NEIL3: variants seen among roughly 807,000 people sequenced by gnomAD.
NEIL3 encodes nei like DNA glycosylase 3.
Under a neutral mutation model 57.5 loss-of-function variants are expected in NEIL3, and 48 were observed. The observed-to-expected ratio is 0.83, with a 90% CI of 0.66 to 1.06. NEIL3 has a LOEUF of 1.06. Ranked by LOEUF, NEIL3 falls within the 50% of genes least tolerant of loss-of-function variation. The probability of loss-of-function intolerance (pLI) is 0.00; values close to 1 mark genes in which losing one functional copy is unlikely to be tolerated. For missense variants in NEIL3, 717 were observed against 739.1 expected (o/e 0.97, Z 0.35); for synonymous variants, 261 against 253.2 (o/e 1.03, Z -0.29).
intron 9 of NEIL3, 65 bp from the exon 10 acceptor site, chr4:177,362,224 A>C (rs1735620423): frequency 7.7e-7 from 1 of 1,292,714 alleles, no homozygotes; most frequent in Non-Finnish European, 1.1e-6. Flanking sequence ...ACATGTGCCT[A>C]GGGTTAGCCT....
intron 8 of NEIL3, among the ~76,000 whole-genome samples, chr4:177,356,459 A>G (rs1375319919): frequency 1.3e-5 from 2 of 152,200 alleles, no homozygotes; most frequent in Non-Finnish European, 2.9e-5. Flanking sequence ...TTCACCCAGC[A>G]GCCCTTCTGC....
downstream of NEIL3, among the ~76,000 whole-genome samples, chr4:177,363,341 A>G (rs1314935376): frequency 6.6e-6 from 1 of 152,226 alleles, no homozygotes; most frequent in African/African-American, 2.4e-5. Context: ...ATGCAGAGCT[A>G]TAGAAGTTAA....
chr4:177,331,216 G>A (rs1020203933), intron 2 of NEIL3, among the ~76,000 whole-genome samples: 1 of 151,906 alleles, frequency 6.6e-6, no homozygotes, highest in African/African-American at 2.4e-5. Flanking sequence ...TAAGGAACAT[G>A]CTCTGTTTTA....
At chr4:177,320,466 C>CTT (rs34353849) in intron 1 of NEIL3, among the ~76,000 whole-genome samples, 3 of 77,444 alleles carry the variant, frequency 3.9e-5, no homozygotes, top group African/African-American at 1.1e-4. Flanking sequence ...TGACTGCTGT[C>CTT]TTTTTTTTTT....
chr4:177,346,704 T>C (rs1220831749), intron 6 of NEIL3, among the ~76,000 whole-genome samples: 1 of 152,158 alleles, frequency 6.6e-6, no homozygotes, highest in Non-Finnish European at 1.5e-5. Context: ...AGGTTATGTG[T>C]CAAACTATAG....
At chr4:177,332,349 A>G (rs1211351594) in intron 2 of NEIL3, among the ~76,000 whole-genome samples, 2 of 152,034 alleles carry the variant, frequency 1.3e-5, no homozygotes, top group Non-Finnish European at 2.9e-5. Context: ...TCAACAGGCC[A>G]GGGTACCTTT....
chr4:177,311,696 G>C (rs80253268), intron 1 of NEIL3, among the ~76,000 whole-genome samples: 1 of 137,716 alleles, frequency 7.3e-6, no homozygotes, highest in African/African-American at 2.8e-5. Context: ...AAAAAAAAAA[G>C]CTGAGGTGTG....
At chr4:177,339,179 A>G (rs952284786) in intron 4 of NEIL3, among the ~76,000 whole-genome samples, 2 of 152,240 alleles carry the variant, frequency 1.3e-5, no homozygotes, top group African/African-American at 4.8e-5. Context: ...GTAACTACTA[A>G]TAGCCTACTG....
intron 1 of NEIL3, among the ~76,000 whole-genome samples, chr4:177,319,004 G>A (rs1400436300): frequency 1.3e-5 from 2 of 152,142 alleles, no homozygotes; most frequent in African/African-American, 4.8e-5. Context: ...CAGATGTCAC[G>A]TGCCACTTTT....
rs34331047 is a variant in NEIL3 at position 177,322,437 on chromosome 4, G to A, written c.157-22G>A. 185 of 1,613,668 alleles carry A rather than the reference G, an allele frequency of 1.1e-4. 1 individual carries two copies. In the African/African-American group the frequency reaches 1.8e-3, roughly 16 times the overall value. On this transcript the variant is annotated intron_variant, in intron 1 of 9. Transcript: ENST00000264596. ...AGTTTGTGTGTGTGTGTGCTTATGTGTGTACATGTATTTTCCACTAGGCTG... is the reference window on the plus strand; with the variant it reads ...AGTTTGTGTGTGTGTGTGCTTATGTATGTACATGTATTTTCCACTAGGCTG...
At chr4:177,323,714 C>G (rs897288013) in intron 2 of NEIL3, among the ~76,000 whole-genome samples, 4 of 152,150 alleles carry the variant, frequency 2.6e-5, no homozygotes. Context: ...ACAATGGGAT[C>G]TATGCACGAT....
rs1560913797 is a variant in NEIL3, at chr4:177,336,335, A to T, written c.627+14A>T. 1 of 1,603,254 alleles carries T rather than the reference A, an allele frequency of 6.2e-7. No homozygotes were observed. The highest frequency in any genetic ancestry group is 1.1e-5 in the South Asian group (1 of 90,096). On this transcript the variant is annotated intron_variant, in intron 4 of 9. Coordinates refer to ENST00000264596, the MANE Select transcript of NEIL3 (RefSeq NM_018248.3). ...CCAGCTGTTAAAGTAAGTTTTAAGT[A>T]TTTTTTTAATTATCTGTTGATTTTT...
At position 177,353,543 on chromosome 4, in the gene NEIL3, T is replaced by C. The variant is rs1374656517; in HGVS notation, c.1275T>C (p.Cys425=). The C allele has an allele frequency of 3.1e-6, 5 of 1,612,972 alleles. No homozygotes were observed. The highest frequency in any genetic ancestry group is 2.2e-5 in the East Asian group (1 of 44,828). ...AAAACTCTCCTCCTGCTAGTGTTTGTTTGAATGATATACAGCACCCCTCCA... is the reference window on the plus strand; with the variant it reads ...AAAACTCTCCTCCTGCTAGTGTTTGCTTGAATGATATACAGCACCCCTCCA... ...EFQNSPPASV[C]LNDIQHPSKK... The change falls in exon 8 of 10, where the codon TGT becomes TGC. Residue 425 remains cysteine (C), a synonymous_variant. Transcript: ENST00000264596.
intron 2 of NEIL3, among the ~76,000 whole-genome samples, chr4:177,333,698 A>G (rs1734923508): frequency 6.6e-6 from 1 of 152,200 alleles, no homozygotes; most frequent in Admixed American, 6.5e-5. Flanking sequence ...GCTGGTGCTC[A>G]CATCGGGAAT....
At chr4:177,357,130 G>A (rs1382347723) in intron 8 of NEIL3, 1 of 152,192 alleles carries the variant, frequency 6.6e-6, no homozygotes, top group African/African-American at 2.4e-5. Context: ...CGTCCAGAAT[G>A]AGTCATTTCA....
rs532552576 is a variant in NEIL3 at position 177,330,553 on chromosome 4, A to G, written c.279-5135A>G. On this transcript the variant is annotated intron_variant, in intron 2 of 9. Transcript: ENST00000264596. ...GAGAAAAAAAATCAATGAAGCAAAT[A>G]ATTGGTCCTTTGAAAAGCATAATAA... is the stretch of plus-strand genomic sequence containing the variant. Among the ~76,000 whole-genome samples, 327 of 152,274 alleles carry G rather than the reference A, an allele frequency of 2.1e-3. 1 individual carries two copies. Among genetic ancestry groups the G allele is most frequent in the African/African-American group, 7.2e-3 (298 of 41,572 alleles).
At position 177,352,829 on chromosome 4, in the gene NEIL3, C is replaced by CA. The variant is rs770674004; in HGVS notation, c.1040-466dup. 2.5e-3 allele frequency among the ~76,000 whole-genome samples: 275 copies of CA among 109,390 alleles called. 4 individuals are homozygous for CA. The highest frequency in any genetic ancestry group is 1.7e-3 in the South Asian group (6 of 3,548). 71.8% of individuals were successfully genotyped at this position (109,390 alleles called of 152,430 possible). On this transcript the variant is annotated intron_variant, in intron 7 of 9. Transcript: ENST00000264596. ...TGGGCAACAGAACAAGACTCCGTTT[C>CA]AAAAAAAAAAAAAGAAGATGTTAAG...
Position 177,353,620 on chromosome 4 carries a change from C to T in NEIL3, c.1352C>T (p.Pro451Leu). 6.2e-7 allele frequency: 1 copy of T among 1,613,574 alleles called. No homozygotes were observed. The highest frequency in any genetic ancestry group is 8.5e-7 in the Non-Finnish European group (1 of 1,179,592). ...CCATCCAGCAAAGTAAACATATCAC[C>T]TACAATCAGTTCAGAATCTAAATTA... Reference protein sequence around the residue: ...TQPSSKVNISPTISSESKLFS... With the variant: ...TQPSSKVNISLTISSESKLFS... The change falls in exon 8 of 10, where the codon CCT becomes CTT. Residue 451 changes from proline to leucine, a missense_variant. Transcript: ENST00000264596.
chr4:177,360,170 A>G (rs1463894227), intron 8 of NEIL3, among the ~76,000 whole-genome samples: 3 of 152,228 alleles, frequency 2.0e-5, no homozygotes, highest in Non-Finnish European at 4.4e-5. Context: ...AGGAAAAAGA[A>G]GTGGCTACAG....
Sources: gnomAD v4.1 joint callset for allele counts (sites outside exome capture counted in the v4.1 genomes callset) on GRCh38, gnomAD v4.1.1 for gene constraint, MANE v1.5 for transcripts, NCBI Gene and HGNC (gene_info 2026-07-23, HGNC 2026-07-21) for gene names.